Variants in COLEC10 observed in about 807,000 individuals in gnomAD.
The protein encoded by COLEC10 is collectin-10.
A neutral mutation model predicts 28.4 loss-of-function variants in COLEC10; 22 were observed. That is an observed-to-expected ratio of 0.78 (90% CI 0.55 to 1.11). The LOEUF (loss-of-function observed/expected upper bound fraction) is 1.11. Among genes scored for constraint, COLEC10 ranks in the 50% least tolerant of loss-of-function variants. The pLI, the probability that COLEC10 is intolerant of heterozygous loss-of-function variation, is 0.00. For synonymous variants in COLEC10, 125 were observed against 116.1 expected (o/e 1.08, Z -0.49); for missense variants, 361 against 344.1 (o/e 1.05, Z -0.39).
At chr8:118,985,432 A>T in the COLEC10 span, among the ~76,000 whole-genome samples, 3 of 152,124 alleles carry the variant, frequency 2.0e-5, no homozygotes, top group Non-Finnish European at 4.4e-5. Context: ...GTGCAGGAGT[A>T]TGAGAGAAAA....
rs1814984594 is a variant in COLEC10 at position 119,067,255 on chromosome 8, G to GA, written c.-26dup. ...AAAGCTGTTTATTTGGCATTTCTGG[G>GA]AGACCCTTTTCTGAGGAACCACAGC... is the stretch of plus-strand genomic sequence containing the variant. On this transcript the variant is annotated 5_prime_UTR_variant, in exon 1 of 6. Coordinates refer to ENST00000332843, the MANE Select transcript of COLEC10 (RefSeq NM_006438.5). 6.2e-7 allele frequency: 1 copy of GA among 1,609,982 alleles called. No homozygotes were observed. The highest frequency in any genetic ancestry group is 1.1e-5 in the South Asian group (1 of 90,202).
intron 2 of COLEC10, among the ~76,000 whole-genome samples, chr8:119,052,289 A>T (rs1042536450): frequency 1.3e-5 from 2 of 152,172 alleles, no homozygotes; most frequent in Non-Finnish European, 1.5e-5. Flanking sequence ...TAGCCAAATT[A>T]TGAAAAATGG....
chr8:118,961,928 G>A, the COLEC10 span, among the ~76,000 whole-genome samples: 1 of 152,236 alleles, frequency 6.6e-6, no homozygotes, highest in South Asian at 2.1e-4. Context: ...TTGCAAGTTG[G>A]CATGTCAGCT....
At chr8:119,000,793 G>C (rs1237177167) in intron 1 of COLEC10, among the ~76,000 whole-genome samples, 1 of 152,120 alleles carries the variant, frequency 6.6e-6, no homozygotes, top group East Asian at 1.9e-4. Flanking sequence ...ACAAAGCAGG[G>C]GAAAAGAAGT....
intron 2 of COLEC10, among the ~76,000 whole-genome samples, chr8:119,026,426 A>G (rs190243315): frequency 2.7e-3 from 411 of 152,098 alleles, no homozygotes; most frequent in Non-Finnish European, 4.4e-3. Context: ...TAACTACCCA[A>G]TTATGGTGGC....
chr8:119,031,335 G>A (rs79213984), intron 2 of COLEC10, among the ~76,000 whole-genome samples: 1 of 152,138 alleles, frequency 6.6e-6, no homozygotes, highest in Non-Finnish European at 1.5e-5. Flanking sequence ...CCAAGAAAAT[G>A]ACAATTACAG....
the COLEC10 span, among the ~76,000 whole-genome samples, chr8:118,985,672 G>A: frequency 5.1e-4 from 77 of 152,004 alleles, 1 homozygote; most frequent in African/African-American, 1.7e-3. Flanking sequence ...GAAAATAAAG[G>A]GGTCTAGAAA....
At chr8:118,997,603 T>G (rs896015256) in intron 1 of COLEC10, among the ~76,000 whole-genome samples, 1 of 152,250 alleles carries the variant, frequency 6.6e-6, no homozygotes, top group South Asian at 2.1e-4. Context: ...CATAGCAAAA[T>G]TGTGATGAAA....
intron 1 of COLEC10, among the ~76,000 whole-genome samples, chr8:119,069,629 A>AAAAAATATATATAGAT (rs1554627284): frequency 2.3e-5 from 1 of 42,876 alleles, no homozygotes; most frequent in Non-Finnish European, 4.4e-5. Flanking sequence ...AAAAAAAAAA[A>AAAAAATATATATAGAT]ATATATATAT....
the COLEC10 span, among the ~76,000 whole-genome samples, chr8:118,963,075 G>C: frequency 6.6e-6 from 1 of 152,122 alleles, no homozygotes; most frequent in Non-Finnish European, 1.5e-5. Flanking sequence ...GCATGCAGAG[G>C]GGGAAGGGAG....
chr8:119,097,912 C>T (rs1033010926), intron 3 of COLEC10, among the ~76,000 whole-genome samples: 1 of 151,650 alleles, frequency 6.6e-6, no homozygotes. Flanking sequence ...GTGAAACATA[C>T]ACAACATAAC....
chr8:119,025,949 C>T (rs1814182607), intron 2 of COLEC10, among the ~76,000 whole-genome samples: 1 of 151,582 alleles, frequency 6.6e-6, no homozygotes, highest in African/African-American at 2.4e-5. Flanking sequence ...ACTTGGATTG[C>T]TCATGTCTTC....
At chr8:119,027,177 A>G (rs1242692468) in intron 2 of COLEC10, among the ~76,000 whole-genome samples, 6 of 152,158 alleles carry the variant, frequency 3.9e-5, no homozygotes, top group Non-Finnish European at 8.8e-5. Context: ...TAAGTGCCCA[A>G]TCAGTTGTGT....
At chr8:118,957,076 G>A in the COLEC10 span, among the ~76,000 whole-genome samples, 1 of 152,150 alleles carries the variant, frequency 6.6e-6, no homozygotes, top group Non-Finnish European at 1.5e-5. Flanking sequence ...GGAGTGAAGT[G>A]CCTTAACATT....
intron 1 of COLEC10, among the ~76,000 whole-genome samples, chr8:119,084,230 C>T (rs1280943983): frequency 6.6e-6 from 1 of 152,058 alleles, no homozygotes; most frequent in Non-Finnish European, 1.5e-5. Flanking sequence ...AAAATGGGAG[C>T]ACTGAGAGTT....
intron 2 of COLEC10, among the ~76,000 whole-genome samples, chr8:119,060,279 A>T (rs1466770559): frequency 6.6e-6 from 1 of 152,160 alleles, no homozygotes; most frequent in Non-Finnish European, 1.5e-5. Context: ...GTCTTAACAG[A>T]ACAGAGAATT....
chr8:118,980,212 T>TC, the COLEC10 span, among the ~76,000 whole-genome samples: 1 of 151,812 alleles, frequency 6.6e-6, no homozygotes, highest in Non-Finnish European at 1.5e-5. Context: ...CTTTTTTTTT[T>TC]TTTTTTTGAG....
intron 2 of COLEC10, among the ~76,000 whole-genome samples, chr8:119,014,628 G>T (rs192488064): frequency 6.6e-6 from 1 of 150,550 alleles, no homozygotes; most frequent in Admixed American, 6.6e-5. Flanking sequence ...TAATTTGGGG[G>T]AAATTATCAA....
chr8:118,991,791 C>G (rs1318550431), upstream of COLEC10, among the ~76,000 whole-genome samples: 7 of 152,134 alleles, frequency 4.6e-5, no homozygotes, highest in South Asian at 2.1e-4. Flanking sequence ...TAAGAAACAA[C>G]TGTCAAGAAT....
Sources: gnomAD v4.1 joint callset for allele counts (sites outside exome capture counted in the v4.1 genomes callset) on GRCh38, gnomAD v4.1.1 for gene constraint, MANE v1.5 for transcripts, NCBI Gene and HGNC (gene_info 2026-07-23, HGNC 2026-07-21) for gene names.